The following THADA variants were observed in gnomAD, a reference collection of about 807,000 sequenced individuals.
THADA encodes the protein THADA armadillo repeat containing.
A neutral mutation model predicts 219.8 loss-of-function variants in THADA; 213 were observed. The observed-to-expected ratio is 0.97, with a 90% confidence interval of 0.87 to 1.09. The LOEUF (loss-of-function observed/expected upper bound fraction) is 1.09, where lower values mean the gene tolerates loss of function less well. THADA is among the 50% of genes least tolerant of loss of function. THADA has a pLI of 0.00. For synonymous variants in THADA, 1,018 were observed against 828.9 expected (o/e 1.23, Z -3.92); for missense variants, 2,956 against 2,311.3 (o/e 1.28, Z -5.72).
At position 43,247,636 on chromosome 2, in the gene THADA, C is replaced by G. The variant is rs536797765; in HGVS notation, c.5297-14754G>C. On this transcript the variant is annotated intron_variant, in intron 36 of 37. Coordinates refer to ENST00000405975, the MANE Select transcript of THADA (RefSeq NM_022065.5). ...CACAGCTACTCGGGAGGCTGAGGCA[C>G]GAGAATCGCTTGAACCCAGGAGGCG... is the stretch of plus-strand genomic sequence containing the variant. Among the ~76,000 whole-genome samples the G allele has an allele frequency of 2.5e-3, 361 of 143,526 alleles. 3 individuals are homozygous for G. Among genetic ancestry groups the G allele is most frequent in the Middle Eastern group, 0.012 (3 of 258 alleles). The allele number at this position is 143,526 out of a possible 152,430, so 94.2% of individuals were successfully genotyped here.
In THADA at chr2:43,387,199, G is replaced by A. The variant is rs139175052; in HGVS notation, c.4227+10772C>T. Among the ~76,000 whole-genome samples, 238 of 152,242 alleles carry A rather than the reference G, an allele frequency of 1.6e-3. 2 individuals are homozygous for A. The highest frequency in any genetic ancestry group is 5.5e-3 in the African/African-American group (229 of 41,530). On this transcript the variant is annotated intron_variant, in intron 29 of 37. Transcript: ENST00000405975. ...AAAGAAGTGAGAAAATTTTAATTAT[G>A]TGTCATTTTCCGAAGCTTCCTTAGG...
chr2:43,408,022 G>A (rs758287920), intron 28 of THADA, among the ~76,000 whole-genome samples: 3 of 152,132 alleles, frequency 2.0e-5, no homozygotes, highest in Non-Finnish European at 4.4e-5. Flanking sequence ...CATACATAAG[G>A]AATTGGTAGT....
intron 29 of THADA, among the ~76,000 whole-genome samples, chr2:43,362,540 G>C (rs1192196104): frequency 6.6e-6 from 1 of 152,114 alleles, no homozygotes; most frequent in Non-Finnish European, 1.5e-5. Context: ...CCTGTATAGA[G>C]CACTCATCAT....
chr2:43,265,525 C>T (rs561996051), intron 36 of THADA, among the ~76,000 whole-genome samples: 50 of 152,300 alleles, frequency 3.3e-4, no homozygotes, highest in Non-Finnish European at 6.2e-4. Flanking sequence ...TGGGCTTCCA[C>T]TTAAAACGTC....
Position 43,476,802 on chromosome 2 carries a change from AG to A in THADA, c.3836+8431del, listed in dbSNP as rs542137587. ...CTGATCAGTTCACCAACTGTATTAT[AG>A]GCACTATCTTCCCCATACTAATGGT... On this transcript the variant is annotated intron_variant, in intron 26 of 37. Coordinates refer to ENST00000405975, the MANE Select transcript of THADA (RefSeq NM_022065.5). 3.3e-5 allele frequency among the ~76,000 whole-genome samples: 5 copies of A among 152,344 alleles called. No individual in the cohort carries two copies. In the South Asian group the frequency reaches 1.0e-3, roughly 32 times the overall value.
At chr2:43,583,841 G>T (rs1032760235) in intron 7 of THADA, among the ~76,000 whole-genome samples, 14 of 152,144 alleles carry the variant, frequency 9.2e-5, no homozygotes, top group African/African-American at 2.9e-4. Context: ...TTAAGAGTTT[G>T]AAACCAGCCA....
At chr2:43,248,335 T>G (rs889406342) in intron 36 of THADA, among the ~76,000 whole-genome samples, 1 of 151,718 alleles carries the variant, frequency 6.6e-6, no homozygotes, top group African/African-American at 2.4e-5. Context: ...GTTCAAGCGA[T>G]TCTCCCACTT....
rs1677090794 is a variant in THADA, at chr2:43,308,336, A to G, written c.4438+12110T>C. Among the ~76,000 whole-genome samples the G allele has an allele frequency of 2.0e-5, 3 of 152,206 alleles. No individual in the cohort carries two copies. In the South Asian group the frequency reaches 6.2e-4, roughly 32 times the overall value. ...GCGACATATGGGACAACTTCAAGTGACTTAATTTACATTTGAATGGAATCA... is the reference window on the plus strand; with the variant it reads ...GCGACATATGGGACAACTTCAAGTGGCTTAATTTACATTTGAATGGAATCA... On this transcript the variant is annotated intron_variant, in intron 31 of 37. Coordinates refer to ENST00000405975, the MANE Select transcript of THADA (RefSeq NM_022065.5).
intron 36 of THADA, among the ~76,000 whole-genome samples, chr2:43,276,525 C>G (rs1440597919): frequency 1.3e-5 from 2 of 152,172 alleles, no homozygotes; most frequent in African/African-American, 4.8e-5. Flanking sequence ...GTGAGGAAGT[C>G]TGAATGACTG....
At position 43,310,225 on chromosome 2, in the gene THADA, CG is replaced by C. The variant is rs141069119; in HGVS notation, c.4438+10220del. 8.6e-3 allele frequency among the ~76,000 whole-genome samples: 362 copies of C among 42,050 alleles called. 6 individuals carry two copies. Among genetic ancestry groups the C allele is most frequent in the African/African-American group, 0.041 (273 of 6,662 alleles). 27.6% of individuals were successfully genotyped at this position (42,050 alleles called of 152,430 possible). A position where few individuals can be genotyped will look rare whatever the true frequency, so the allele number is the denominator to read the frequency against. On this transcript the variant is annotated intron_variant, in intron 31 of 37. Transcript: ENST00000405975. ...TCCCTCCCTCCCTCCCTCCCTTTCC[CG>C]CCCCCCCCCCAAACAAGCTGATCCT...
Position 43,531,079 on chromosome 2 carries a change from G to A in THADA, c.3265-3091C>T, listed in dbSNP as rs1693807446. Among the ~76,000 whole-genome samples, 4 of 152,210 alleles carry A rather than the reference G, an allele frequency of 2.6e-5. No homozygotes were observed. The South Asian group carries it at 8.3e-4, about 31-fold the overall frequency. On this transcript the variant is annotated intron_variant, in intron 21 of 37. Transcript: ENST00000405975. ...TGCTTCACAGCTTAATGCTGTGGTA[G>A]ATAGAAAAGATGAAAACAAGATGCC...
Position 43,254,502 on chromosome 2 carries a change from G to A in THADA, c.5297-21620C>T, listed in dbSNP as rs573293394. Among the ~76,000 whole-genome samples, 38 of 152,142 alleles carry A rather than the reference G, an allele frequency of 2.5e-4. 1 individual carries two copies. The highest frequency in any genetic ancestry group is 7.0e-4 in the African/African-American group (29 of 41,508). On this transcript the variant is annotated intron_variant, in intron 36 of 37. Coordinates refer to ENST00000405975, the MANE Select transcript of THADA (RefSeq NM_022065.5). ...AAGAATCCTATTTGATCCAAAGGTC[G>A]TTTGTGTCATCCCGCTTCATCTCAC...
At chr2:43,521,556 A>G (rs1692488327) in intron 22 of THADA, among the ~76,000 whole-genome samples, 1 of 151,976 alleles carries the variant, frequency 6.6e-6, no homozygotes, top group South Asian at 2.1e-4. Context: ...ACTCCAGCTC[A>G]AAAAAAAGGT....
intron 26 of THADA, among the ~76,000 whole-genome samples, chr2:43,467,607 C>T (rs1684412508): frequency 6.6e-6 from 1 of 152,210 alleles, no homozygotes; most frequent in Admixed American, 6.5e-5. Flanking sequence ...AAAGTTTTCA[C>T]ATCTGCAGAG....
chr2:43,430,908 G>A (rs990366797), intron 26 of THADA, among the ~76,000 whole-genome samples: 1 of 152,222 alleles, frequency 6.6e-6, no homozygotes, highest in African/African-American at 2.4e-5. Flanking sequence ...GAGAACCACT[G>A]GTTTGGAGTA....
At chr2:43,326,351 GACC>G (rs1319745026) in intron 30 of THADA, among the ~76,000 whole-genome samples, 2 of 152,128 alleles carry the variant, frequency 1.3e-5, no homozygotes, top group African/African-American at 4.8e-5. Context: ...TGGGCAAAGT[GACC>G]ACAACAGAGG....
chr2:43,401,586 A>T (rs1674850653), intron 28 of THADA, among the ~76,000 whole-genome samples: 1 of 152,198 alleles, frequency 6.6e-6, no homozygotes, highest in Non-Finnish European at 1.5e-5. Context: ...CTGAGACATG[A>T]TACATTTTTA....
At chr2:43,383,457 C>T (rs960560055) in intron 29 of THADA, among the ~76,000 whole-genome samples, 4 of 152,218 alleles carry the variant, frequency 2.6e-5, no homozygotes, top group Non-Finnish European at 4.4e-5. Context: ...ATTAGCATCA[C>T]ACCCATCTCC....
intron 30 of THADA, among the ~76,000 whole-genome samples, chr2:43,337,060 T>TA (rs1207133780): frequency 6.6e-6 from 1 of 152,124 alleles, no homozygotes; most frequent in Non-Finnish European, 1.5e-5. Flanking sequence ...GCAAATTATT[T>TA]AAAAAAAGAA....
Sources: allele counts gnomAD v4.1 joint callset (sites outside exome capture counted in the v4.1 genomes callset), GRCh38; gene constraint gnomAD v4.1.1; transcripts MANE v1.5; gene names NCBI Gene and HGNC (gene_info 2026-07-23, HGNC 2026-07-21).